TMEM132D: variants seen among roughly 807,000 people sequenced by gnomAD.
TMEM132D encodes the protein mature OL transmembrane protein.
TMEM132D carries 21 observed loss-of-function variants against 62.3 expected under a neutral mutation model. The ratio of observed to expected loss-of-function variants is 0.34; its 90% CI spans 0.24 to 0.49. The LOEUF (loss-of-function observed/expected upper bound fraction) is 0.49. Among genes scored for constraint, TMEM132D ranks in the 20% least tolerant of loss-of-function variants. The probability of loss-of-function intolerance (pLI) is 0.99; values close to 1 mark genes in which losing one functional copy is unlikely to be tolerated. For synonymous variants in TMEM132D, 621 were observed against 575.6 expected (o/e 1.08, Z -1.13); for missense variants, 1,346 against 1,402.8 (o/e 0.96, Z 0.65).
At chr12:129,126,996 G>T (rs115201273) in intron 5 of TMEM132D, among the ~76,000 whole-genome samples, 2 of 152,192 alleles carry the variant, frequency 1.3e-5, no homozygotes, top group African/African-American at 4.8e-5. Flanking sequence ...AGACAAGGAC[G>T]CAGTCTGAAC....
chr12:129,103,979 C>A (rs1262558544), intron 5 of TMEM132D, among the ~76,000 whole-genome samples: 1 of 152,086 alleles, frequency 6.6e-6, no homozygotes, highest in East Asian at 1.9e-4. Context: ...AGGTAATTTA[C>A]AGATTCAATG....
At chr12:129,657,793 C>T (rs1187199810) in intron 2 of TMEM132D, among the ~76,000 whole-genome samples, 2 of 152,236 alleles carry the variant, frequency 1.3e-5, no homozygotes, top group Non-Finnish European at 1.5e-5. Flanking sequence ...ATGTTTAACA[C>T]AGGTCACTGA....
intron 3 of TMEM132D, among the ~76,000 whole-genome samples, chr12:129,338,857 A>T (rs927124790): frequency 6.6e-6 from 1 of 152,220 alleles, no homozygotes; most frequent in Non-Finnish European, 1.5e-5. Context: ...TAAGAAGCTC[A>T]GAGATAAACG....
chr12:129,596,042 T>C (rs1878326876), intron 2 of TMEM132D, among the ~76,000 whole-genome samples: 2 of 152,168 alleles, frequency 1.3e-5, no homozygotes, highest in African/African-American at 4.8e-5. Flanking sequence ...GTTTGAAGAA[T>C]AGGCAGCCAG....
At chr12:129,543,474 G>A (rs146822756) in intron 2 of TMEM132D, among the ~76,000 whole-genome samples, 56 of 152,280 alleles carry the variant, frequency 3.7e-4, no homozygotes, top group African/African-American at 1.2e-3. Context: ...ACTGTAAGTT[G>A]AAAATATCAT....
At chr12:129,776,414 C>A (rs1049842951) in intron 1 of TMEM132D, among the ~76,000 whole-genome samples, 1 of 151,734 alleles carries the variant, frequency 6.6e-6, no homozygotes, top group Non-Finnish European at 1.5e-5. Flanking sequence ...CAGCGCCTTC[C>A]AATGATGCTT....
intron 1 of TMEM132D, among the ~76,000 whole-genome samples, chr12:129,785,724 A>T (rs1355710034): frequency 6.6e-6 from 1 of 152,124 alleles, no homozygotes; most frequent in Non-Finnish European, 1.5e-5. Context: ...TGAGGAAATG[A>T]ATTTCTGTTG....
intron 3 of TMEM132D, among the ~76,000 whole-genome samples, chr12:129,491,965 A>G (rs1007836984): frequency 5.3e-5 from 8 of 151,956 alleles, no homozygotes; most frequent in Non-Finnish European, 1.0e-4. Context: ...TGCTTATTGG[A>G]AAGCTATCTC....
rs780979480 is a variant in TMEM132D at position 129,699,827 on chromosome 12, T to C, written c.951A>G (p.Glu317=). ...CGACTTACCTCAACGTGAAGCGATC[T>C]TCAGTGGAATTTCTGGAGATGGAAA... ...FPVSISRNST[E]DRFTLRAKVK... is the part of the protein sequence containing the mutation. Residue 317 remains glutamate, a synonymous_variant, in exon 2 of 9, where the codon GAA becomes GAG. Coordinates refer to ENST00000422113, the MANE Select transcript of TMEM132D (RefSeq NM_133448.3). The C allele has an allele frequency of 2.5e-6, 4 of 1,614,040 alleles. No individual in the cohort carries two copies. The Admixed American group carries it at 6.7e-5, about 27-fold the overall frequency.
intron 2 of TMEM132D, among the ~76,000 whole-genome samples, chr12:129,605,771 T>C (rs1465561956): frequency 6.6e-6 from 1 of 151,954 alleles, no homozygotes; most frequent in Non-Finnish European, 1.5e-5. Flanking sequence ...CAATGGCGTT[T>C]CTCATACATC....
At chr12:129,548,651 C>T (rs1566106230) in intron 2 of TMEM132D, among the ~76,000 whole-genome samples, 1 of 152,128 alleles carries the variant, frequency 6.6e-6, no homozygotes, top group Non-Finnish European at 1.5e-5. Context: ...TACAGAGCTC[C>T]CACCTGAATT....
chr12:129,308,018 C>T (rs1377233682), intron 4 of TMEM132D, among the ~76,000 whole-genome samples: 1 of 152,198 alleles, frequency 6.6e-6, no homozygotes, highest in Non-Finnish European at 1.5e-5. Context: ...CCAGTTCTTT[C>T]TCTCCTTCGA....
intron 3 of TMEM132D, among the ~76,000 whole-genome samples, chr12:129,416,543 T>C (rs116530796): frequency 0.017 from 2,526 of 152,322 alleles, 83 homozygotes; most frequent in African/African-American, 0.058. Context: ...ATACGCTTTA[T>C]TTCTTTCTTT....
chr12:129,343,872 A>G (rs1052615524), intron 3 of TMEM132D, among the ~76,000 whole-genome samples: 1 of 152,158 alleles, frequency 6.6e-6, no homozygotes, highest in Non-Finnish European at 1.5e-5. Context: ...CAGAGGTTGC[A>G]GTGAACTGAG....
intron 3 of TMEM132D, among the ~76,000 whole-genome samples, chr12:129,428,321 C>A (rs1159539847): frequency 6.6e-6 from 1 of 152,180 alleles, no homozygotes; most frequent in Non-Finnish European, 1.5e-5. Context: ...TCAGAAAAAT[C>A]TGTTGTGTAA....
At chr12:129,817,453 C>T (rs1872379308) in intron 1 of TMEM132D, among the ~76,000 whole-genome samples, 1 of 71,576 alleles carries the variant, frequency 1.4e-5, no homozygotes, top group Admixed American at 1.6e-4. Context: ...GGGCACCAAC[C>T]GCTCGCTCTC....
intron 1 of TMEM132D, among the ~76,000 whole-genome samples, chr12:129,864,212 G>T (rs536294591): frequency 6.6e-6 from 1 of 152,176 alleles, no homozygotes; most frequent in Non-Finnish European, 1.5e-5. Flanking sequence ...TCAGCCATTT[G>T]AGCAAACCAC....
chr12:129,605,140 G>A (rs1165632850), intron 2 of TMEM132D, among the ~76,000 whole-genome samples: 2 of 151,950 alleles, frequency 1.3e-5, no homozygotes, highest in East Asian at 1.9e-4. Context: ...TCATTGTTCC[G>A]GTTTCAGATT....
rs542787789 is a variant in TMEM132D at position 129,572,535 on chromosome 12, G to A, written c.969-41330C>T. 5.9e-5 allele frequency among the ~76,000 whole-genome samples: 9 copies of A among 152,230 alleles called. No individual in the cohort carries two copies. In the East Asian group the frequency reaches 1.2e-3, roughly 20 times the overall value. On this transcript the variant is annotated intron_variant, in intron 2 of 8. Coordinates refer to ENST00000422113, the MANE Select transcript of TMEM132D (RefSeq NM_133448.3). ...ACAATCTTGGCTCACTGCAACCTCC[G>A]CCTCCTGGGTTCAAGCAATTCTCGT...
Sources: gnomAD v4.1 joint callset for allele counts (sites outside exome capture counted in the v4.1 genomes callset) on GRCh38, gnomAD v4.1.1 for gene constraint, MANE v1.5 for transcripts, NCBI Gene and HGNC (gene_info 2026-07-23, HGNC 2026-07-21) for gene names.